The following GABRG3 variants were observed in gnomAD, a reference collection of about 807,000 sequenced individuals.
GABRG3 encodes gamma-aminobutyric acid type A receptor subunit gamma3.
A neutral mutation model predicts 48.8 loss-of-function variants in GABRG3; 25 were observed. The observed-to-expected ratio is 0.51, with a 90% confidence interval of 0.37 to 0.72. GABRG3 has a LOEUF of 0.72. Ranked by LOEUF, GABRG3 falls within the 30% of genes least tolerant of loss-of-function variation. The probability of loss-of-function intolerance (pLI) is 0.00; values close to 1 mark genes in which losing one functional copy is unlikely to be tolerated. For synonymous variants in GABRG3, 227 were observed against 217.6 expected, an observed-to-expected ratio of 1.04 and a Z score of -0.38; for missense variants, 394 against 577.9, an observed-to-expected ratio of 0.68 and a Z score of 3.26.
intron 3 of GABRG3, among the ~76,000 whole-genome samples, chr15:27,058,021 G>C (rs1595498412): frequency 6.6e-6 from 1 of 152,102 alleles, no homozygotes; most frequent in Non-Finnish European, 1.5e-5. Flanking sequence ...TGAATCTGCC[G>C]ACAGTTCTCA....
chr15:26,972,084 G>T (rs1894857244), intron 1 of GABRG3, among the ~76,000 whole-genome samples: 1 of 152,108 alleles, frequency 6.6e-6, no homozygotes, highest in African/African-American at 2.4e-5. Flanking sequence ...CGGGGGGATT[G>T]GAACCAGGTG....
chr15:27,477,645 G>A (rs180939712), intron 5 of GABRG3, among the ~76,000 whole-genome samples: 1 of 152,274 alleles, frequency 6.6e-6, no homozygotes, highest in Admixed American at 6.5e-5. Flanking sequence ...GACAATGGAG[G>A]AGGCTGTGCA....
At chr15:27,392,019 C>A (rs1595724498) in intron 5 of GABRG3, among the ~76,000 whole-genome samples, 1 of 152,302 alleles carries the variant, frequency 6.6e-6, no homozygotes, top group African/African-American at 2.4e-5. Flanking sequence ...ACATATACCA[C>A]TGTCTTTAAA....
intron 3 of GABRG3, among the ~76,000 whole-genome samples, chr15:27,256,366 G>A (rs576529983): frequency 4.0e-5 from 6 of 151,856 alleles, no homozygotes; most frequent in East Asian, 3.9e-4. Flanking sequence ...GCGTGAACCC[G>A]GGAGGCAGTG....
chr15:27,426,541 G>A (rs568245619), intron 5 of GABRG3, among the ~76,000 whole-genome samples: 13 of 152,222 alleles, frequency 8.5e-5, no homozygotes, highest in Admixed American at 3.3e-4. Flanking sequence ...TTGGCCAGGC[G>A]TGGTGTCTCA....
intron 3 of GABRG3, among the ~76,000 whole-genome samples, chr15:27,103,849 C>T (rs749073660): frequency 6.6e-6 from 1 of 152,214 alleles, no homozygotes; most frequent in Non-Finnish European, 1.5e-5. Context: ...AGTTTTCTAG[C>T]TGCTCTTATA....
At chr15:27,215,417 G>A (rs906171605) in intron 3 of GABRG3, among the ~76,000 whole-genome samples, 3 of 152,154 alleles carry the variant, frequency 2.0e-5, no homozygotes, top group Non-Finnish European at 4.4e-5. Flanking sequence ...AGAAGCAAGG[G>A]CTCTCCCAGA....
intron 5 of GABRG3, among the ~76,000 whole-genome samples, chr15:27,390,909 T>C (rs558454728): frequency 4.1e-4 from 62 of 152,186 alleles, no homozygotes; most frequent in African/African-American, 1.4e-3. Flanking sequence ...GCCAACATGG[T>C]GCAATGCCAT....
rs1414132936 is a variant in GABRG3 at position 27,447,383 on chromosome 15, G to A, written c.575-33267G>A. Among the ~76,000 whole-genome samples the A allele has an allele frequency of 6.6e-6, 1 of 152,172 alleles. No individual in the cohort carries two copies. The highest frequency in any genetic ancestry group is 1.5e-5 in the Non-Finnish European group (1 of 68,030). On this transcript the variant is annotated intron_variant, in intron 5 of 9. Coordinates refer to ENST00000615808, the MANE Select transcript of GABRG3 (RefSeq NM_033223.5). This position sits in a 1 kb window ranked among gnomAD's most constrained non-coding sequence, Gnocchi z 4.0. ...CTTAGCAAGGGGACATTTATGCTAT[G>A]GGAAATGGGGAGTCACTGAGGATTT...
chr15:27,077,631 T>G (rs1483062382), intron 3 of GABRG3, among the ~76,000 whole-genome samples: 1 of 152,206 alleles, frequency 6.6e-6, no homozygotes, highest in Admixed American at 6.5e-5. Context: ...CCCATCACTC[T>G]GTCGATTTCC....
At chr15:27,385,516 C>T (rs775475441) in intron 5 of GABRG3, among the ~76,000 whole-genome samples, 8 of 152,056 alleles carry the variant, frequency 5.3e-5, no homozygotes, top group Non-Finnish European at 1.2e-4. Flanking sequence ...TGTTGAAGCA[C>T]TAACTGACGT....
At chr15:27,330,669 A>G (rs1289752964) in intron 5 of GABRG3, among the ~76,000 whole-genome samples, 1 of 152,264 alleles carries the variant, frequency 6.6e-6, no homozygotes, top group African/African-American at 2.4e-5. Flanking sequence ...AAAGATTTTT[A>G]TAGAAATAAA....
chr15:27,423,585 G>A (rs1000269212), intron 5 of GABRG3, among the ~76,000 whole-genome samples: 2 of 147,892 alleles, frequency 1.4e-5, no homozygotes, highest in African/African-American at 5.0e-5. Flanking sequence ...TTATTCTGTC[G>A]CCAAAGCTTG....
Position 27,180,591 on chromosome 15 carries a change from C to T in GABRG3, c.271-146218C>T, listed in dbSNP as rs1887898414. ...CATCCTGATTCACTCAACTTTACCC[C>T]AACTCAGATTCTGTTTCTAAGGTGA... On this transcript the variant is annotated intron_variant, in intron 3 of 9. Transcript: ENST00000615808. This position sits in a 1 kb window ranked among gnomAD's most constrained non-coding sequence, Gnocchi z 4.2. 6.6e-6 allele frequency among the ~76,000 whole-genome samples: 1 copy of T among 152,090 alleles called. No individual in the cohort carries two copies. The highest frequency in any genetic ancestry group is 6.5e-5 in the Admixed American group (1 of 15,276).
intron 7 of GABRG3, among the ~76,000 whole-genome samples, chr15:27,522,383 G>T (rs1016210885): frequency 6.6e-5 from 10 of 151,730 alleles, no homozygotes; most frequent in Non-Finnish European, 1.5e-4. Flanking sequence ...ATAGAAAAAT[G>T]GATTTACAAG....
At position 27,447,890 on chromosome 15, in the gene GABRG3, T is replaced by C. The variant is rs1228452648; in HGVS notation, c.575-32760T>C. 6.6e-6 allele frequency among the ~76,000 whole-genome samples: 1 copy of C among 152,008 alleles called. No individual in the cohort carries two copies. ...GGGGGAGAGATAGCATTAGGAAAAA[T>C]ACCTAATGTAGATGACAGGTTGATG... On this transcript the variant is annotated intron_variant, in intron 5 of 9. Transcript: ENST00000615808. The surrounding 1 kb of genome is among the most constrained non-coding windows in gnomAD (Gnocchi z 4.0).
intron 3 of GABRG3, among the ~76,000 whole-genome samples, chr15:27,294,427 G>A (rs1433018865): frequency 6.6e-6 from 1 of 152,046 alleles, no homozygotes; most frequent in African/African-American, 2.4e-5. Flanking sequence ...ATGTTGCCCA[G>A]GCTGGTCTCA....
intron 3 of GABRG3, among the ~76,000 whole-genome samples, chr15:27,316,310 C>G (rs1010268696): frequency 6.7e-6 from 1 of 149,472 alleles, no homozygotes; most frequent in African/African-American, 2.5e-5. Context: ...ATGGCGTGAA[C>G]CCGGGAGGCA....
intron 5 of GABRG3, among the ~76,000 whole-genome samples, chr15:27,474,630 A>C (rs1889880991): frequency 6.6e-6 from 1 of 152,166 alleles, no homozygotes; most frequent in Non-Finnish European, 1.5e-5. Context: ...AAGCCTTCTC[A>C]AGAGTAGGAA....
Sources: gnomAD v4.1 joint callset for allele counts (sites outside exome capture counted in the v4.1 genomes callset) on GRCh38, gnomAD v4.1.1 for gene constraint, Gnocchi (gnomAD v3.1) non-coding constraint, MANE v1.5 for transcripts, NCBI Gene and HGNC (gene_info 2026-07-23, HGNC 2026-07-21) for gene names.